Variants in ADGRL3 observed in about 807,000 individuals in gnomAD.
The protein encoded by ADGRL3 is calcium-independent alpha-latrotoxin receptor 3.
Under a neutral mutation model 153.5 loss-of-function variants are expected in ADGRL3, and 62 were observed. The observed-to-expected ratio is 0.40, with a 90% CI of 0.33 to 0.50. The LOEUF is 0.50. ADGRL3 is among the 20% of genes least tolerant of loss of function. The pLI is 0.47. For missense variants in ADGRL3, 1,641 were observed against 1,859.4 expected (o/e 0.88, Z 2.16); for synonymous variants, 710 against 672.5 (o/e 1.06, Z -0.86).
intron 2 of ADGRL3, among the ~76,000 whole-genome samples, chr4:61,428,927 A>G (rs1441780167): frequency 1.4e-5 from 2 of 142,740 alleles, no homozygotes; most frequent in Non-Finnish European, 1.5e-5. Context: ...CTATCTATCT[A>G]TCTATCTATC....
intron 15 of ADGRL3, among the ~76,000 whole-genome samples, chr4:61,938,673 T>G (rs2098850691): frequency 6.6e-6 from 1 of 152,050 alleles, no homozygotes; most frequent in African/African-American, 2.4e-5. Context: ...CCTGCTTCTT[T>G]GTGTCACTAG....
intron 2 of ADGRL3, among the ~76,000 whole-genome samples, chr4:61,391,892 C>T (rs1578604173): frequency 8.5e-6 from 1 of 117,448 alleles, no homozygotes. Flanking sequence ...TGGAGTCTGG[C>T]TCTGTCACCC....
At chr4:61,326,731 G>A (rs1473611577) in intron 1 of ADGRL3, among the ~76,000 whole-genome samples, 47 of 151,314 alleles carry the variant, frequency 3.1e-4, no homozygotes, top group Admixed American at 3.1e-3. Flanking sequence ...CTTCTTTTGG[G>A]GAGCTATTGC....
At chr4:62,068,581 G>A (rs958130866) in intron 26 of ADGRL3, among the ~76,000 whole-genome samples, 8 of 151,970 alleles carry the variant, frequency 5.3e-5, no homozygotes, top group African/African-American at 7.3e-5. Context: ...TTGACAAACC[G>A]AAATAATAAA....
chr4:61,608,279 C>T (rs749615847), intron 5 of ADGRL3, among the ~76,000 whole-genome samples: 10 of 152,138 alleles, frequency 6.6e-5, no homozygotes, highest in Non-Finnish European at 8.8e-5. Flanking sequence ...TGGCAGAGGC[C>T]GAACATCTAA....
At chr4:61,880,608 A>C (rs2098503258) in intron 9 of ADGRL3, among the ~76,000 whole-genome samples, 2 of 152,210 alleles carry the variant, frequency 1.3e-5, no homozygotes, top group African/African-American at 4.8e-5. Flanking sequence ...AGTATAAGGA[A>C]AACAAAGTGG....
At chr4:61,858,943 A>G (rs1581178843) in intron 9 of ADGRL3, among the ~76,000 whole-genome samples, 1 of 152,240 alleles carries the variant, frequency 6.6e-6, no homozygotes, top group African/African-American at 2.4e-5. Flanking sequence ...AAGGATGGCT[A>G]GGATATGGCT....
rs980793983 is a variant in ADGRL3 at position 61,626,941 on chromosome 4, C to T, written c.473+39501C>T. 4.6e-5 allele frequency among the ~76,000 whole-genome samples: 7 copies of T among 152,138 alleles called. No individual in the cohort carries two copies. The East Asian group carries it at 1.4e-3, about 29-fold the overall frequency. On this transcript the variant is annotated intron_variant, in intron 5 of 26. Coordinates refer to ENST00000683033, the MANE Select transcript of ADGRL3 (RefSeq NM_001387552.1). Reference sequence around the variant, plus strand: ...TCCGTATTTTAAATTAAATGTCTGTCATTACATTTAACTATTAGGTTGATG... The same window carrying T: ...TCCGTATTTTAAATTAAATGTCTGTTATTACATTTAACTATTAGGTTGATG...
intron 8 of ADGRL3, among the ~76,000 whole-genome samples, chr4:61,807,144 T>G (rs1254965978): frequency 6.6e-6 from 1 of 152,118 alleles, no homozygotes; most frequent in Non-Finnish European, 1.5e-5. Flanking sequence ...GAGTTAAGAA[T>G]TCACCAGTTT....
At chr4:61,744,928 G>C (rs576635950) in intron 8 of ADGRL3, among the ~76,000 whole-genome samples, 211 of 152,188 alleles carry the variant, frequency 1.4e-3, no homozygotes, top group Middle Eastern at 3.4e-3. Context: ...AGCTACAGGA[G>C]GAAATTAAAA....
intron 11 of ADGRL3, among the ~76,000 whole-genome samples, chr4:61,903,819 CT>C (rs1180716734): frequency 8.5e-5 from 13 of 152,096 alleles, no homozygotes; most frequent in East Asian, 1.9e-4. Context: ...GTCACCCAGG[CT>C]GAAGTGCTGT....
intron 5 of ADGRL3, among the ~76,000 whole-genome samples, chr4:61,668,728 A>G (rs2343574): frequency 0.97 from 148,382 of 152,248 alleles, 72,449 homozygotes; most frequent in Middle Eastern, 1. Flanking sequence ...TCAAAAAAAA[A>G]AAAATGGAGG....
At chr4:61,328,169 A>G (rs543310014) in intron 1 of ADGRL3, among the ~76,000 whole-genome samples, 1 of 152,294 alleles carries the variant, frequency 6.6e-6, no homozygotes, top group South Asian at 2.1e-4. Context: ...GATAACAGGC[A>G]TACACTGTGA....
At chr4:61,230,852 A>T (rs1187872114) in intron 1 of ADGRL3, among the ~76,000 whole-genome samples, 1 of 152,208 alleles carries the variant, frequency 6.6e-6, no homozygotes, top group African/African-American at 2.4e-5. Flanking sequence ...CTTGCATTTC[A>T]TTCTCCAAAA....
At chr4:61,846,647 G>T (rs2098119407) in intron 9 of ADGRL3, among the ~76,000 whole-genome samples, 1 of 152,162 alleles carries the variant, frequency 6.6e-6, no homozygotes, top group African/African-American at 2.4e-5. Flanking sequence ...TTGCTCTAAA[G>T]AAATACCTGA....
At chr4:61,461,501 A>G (rs2097818277) in intron 2 of ADGRL3, among the ~76,000 whole-genome samples, 1 of 152,182 alleles carries the variant, frequency 6.6e-6, no homozygotes, top group South Asian at 2.1e-4. Context: ...AATATGTACA[A>G]TTATTTTGTA....
intron 8 of ADGRL3, among the ~76,000 whole-genome samples, chr4:61,782,331 T>A (rs748071724): frequency 1.3e-4 from 20 of 152,184 alleles, no homozygotes; most frequent in Middle Eastern, 3.2e-3. Context: ...GTATCATTGT[T>A]TGTATTACAT....
intron 1 of ADGRL3, among the ~76,000 whole-genome samples, chr4:61,265,621 A>G (rs1319626306): frequency 6.6e-6 from 1 of 151,896 alleles, no homozygotes; most frequent in Non-Finnish European, 1.5e-5. Context: ...AGGAGAAAAA[A>G]GTGAGATAAT....
intron 21 of ADGRL3, among the ~76,000 whole-genome samples, chr4:62,002,913 T>C (rs2099145564): frequency 6.6e-6 from 1 of 152,172 alleles, no homozygotes. Flanking sequence ...ATGGCTGAAG[T>C]ACTATGACAT....
Sources: allele counts gnomAD v4.1 joint callset (sites outside exome capture counted in the v4.1 genomes callset), GRCh38; gene constraint gnomAD v4.1.1; transcripts MANE v1.5; gene names NCBI Gene and HGNC (gene_info 2026-07-23, HGNC 2026-07-21).